TMEM91: variants seen among roughly 807,000 people sequenced by gnomAD.
TMEM91 encodes dispanin subfamily C member 3.
A neutral mutation model predicts 13.3 loss-of-function variants in TMEM91; 6 were observed. That is an observed-to-expected ratio of 0.45 (90% CI 0.25 to 0.89). TMEM91 has a LOEUF of 0.89. Ranked by LOEUF, TMEM91 falls within the 40% of genes least tolerant of loss-of-function variation. TMEM91 has a pLI of 0.19. For missense variants in TMEM91, 193 were observed against 228.7 expected, an observed-to-expected ratio of 0.84 and a Z score of 1.01; for synonymous variants, 87 against 101.7, an observed-to-expected ratio of 0.86 and a Z score of 0.87.
upstream of TMEM91, chr19:41,363,971 A>G (rs189994185): frequency 2.9e-4 from 79 of 274,674 alleles, no homozygotes; most frequent in African/African-American, 1.6e-3. Flanking sequence ...AGCGCACTTA[A>G]CGGTTAGGAG....
At chr19:41,378,915 T>A (rs1227441797) in intron 2 of TMEM91, among the ~76,000 whole-genome samples, 1 of 151,928 alleles carries the variant, frequency 6.6e-6, no homozygotes, top group Non-Finnish European at 1.5e-5. Context: ...TACTGCAACC[T>A]TGACCTCCCG....
Position 41,376,577 on chromosome 19 carries a change from A to G in TMEM91, c.-307A>G, listed in dbSNP as rs1005772165. The G allele has an allele frequency of 3.3e-5, 5 of 152,218 alleles. No individual in the cohort carries two copies. The highest frequency in any genetic ancestry group is 6.5e-5 in the Admixed American group (1 of 15,288). 9.4% of individuals were successfully genotyped at this position (152,218 alleles called of 1,614,324 possible). On this transcript the variant is annotated 5_prime_UTR_variant, in exon 1 of 4. Transcript: ENST00000392002. The stretch of plus-strand genomic sequence containing the variant: ...ACGAGGAAGGGGCTGCAGTTCTCCA[A>G]GGATTCCCGCCTGCTCCCAGACCCC...
intron 1 of TMEM91, among the ~76,000 whole-genome samples, chr19:41,368,788 A>C (rs1358898528): frequency 2.0e-5 from 3 of 150,562 alleles, no homozygotes; most frequent in Admixed American, 1.3e-4. Context: ...CCTTCCCTTC[A>C]GTATGGCTAG....
intron 1 of TMEM91, chr19:41,364,137 C>G (rs1320512542): frequency 6.1e-6 from 1 of 163,288 alleles, no homozygotes; most frequent in Admixed American, 5.7e-5. Flanking sequence ...TCTTGGTTTC[C>G]GTGGTTGTTG....
chr19:41,376,933 T>G (rs1159971541), intron 1 of TMEM91, 79 bp downstream of exon 1: 1 of 152,306 alleles, frequency 6.6e-6, no homozygotes, highest in African/African-American at 2.4e-5. Flanking sequence ...GGCAAAGCTT[T>G]GGCGAGGAAA....
At chr19:41,372,426 C>T (rs1233192790), upstream of TMEM91, among the ~76,000 whole-genome samples, 3 of 152,070 alleles carry the variant, frequency 2.0e-5, no homozygotes, top group Non-Finnish European at 4.4e-5. Flanking sequence ...AGGCAATCCT[C>T]CTGCTTCAGC....
intron 2 of TMEM91, among the ~76,000 whole-genome samples, chr19:41,381,528 TTTTG>T (rs1430753006): frequency 2.0e-5 from 3 of 151,720 alleles, no homozygotes; most frequent in Admixed American, 2.0e-4. Flanking sequence ...ACCCGGCTAA[TTTTG>T]TTTTTGTATT....
intron 2 of TMEM91, among the ~76,000 whole-genome samples, chr19:41,381,014 G>T (rs925828956): frequency 2.2e-5 from 3 of 135,728 alleles, no homozygotes; most frequent in African/African-American, 8.2e-5. Context: ...GAACTTGGGA[G>T]ATGGAGGTTG....
intron 1 of TMEM91, among the ~76,000 whole-genome samples, chr19:41,366,602 A>C (rs550920777): frequency 6.6e-6 from 1 of 151,906 alleles, no homozygotes; most frequent in East Asian, 2.0e-4. Context: ...GCTCTCCACA[A>C]CCTGGCTGGC....
chr19:41,377,581 G>T (rs188967357), intron 1 of TMEM91, among the ~76,000 whole-genome samples: 4 of 152,052 alleles, frequency 2.6e-5, no homozygotes, highest in African/African-American at 7.2e-5. Context: ...GGCCTGGATA[G>T]GTGGTCACGC....
upstream of TMEM91, among the ~76,000 whole-genome samples, chr19:41,372,843 A>G (rs1048892780): frequency 6.6e-6 from 1 of 152,174 alleles, no homozygotes; most frequent in African/African-American, 2.4e-5. Flanking sequence ...CTAAATAAAT[A>G]TCCTGTTCTT....
intron 3 of TMEM91, 147 bp from the exon 4 acceptor site, chr19:41,383,568 A>C (rs761390476): frequency 6.2e-7 from 1 of 1,611,960 alleles, no homozygotes. Flanking sequence ...CAGCATCCCC[A>C]GTGCCTGACC....
Position 41,383,955 on chromosome 19 carries a change from T to G in TMEM91, c.*82T>G. The G allele has an allele frequency of 1.3e-6, 2 of 1,549,388 alleles. No individual in the cohort carries two copies. The highest frequency in any genetic ancestry group is 2.5e-5 in the South Asian group (2 of 80,912). On this transcript the variant is annotated 3_prime_UTR_variant, in exon 4 of 4. Coordinates refer to ENST00000392002, the MANE Select transcript of TMEM91 (RefSeq NM_001098821.2). Reference sequence around the variant, plus strand: ...GCAGAGAGTGGAGAATCTTGGTGGATGAGGCTGCGGCGGCGGCAGGAGCAT... The same window carrying G: ...GCAGAGAGTGGAGAATCTTGGTGGAGGAGGCTGCGGCGGCGGCAGGAGCAT...
chr19:41,372,235 T>C (rs574819895), upstream of TMEM91, among the ~76,000 whole-genome samples: 34 of 152,176 alleles, frequency 2.2e-4, no homozygotes, highest in East Asian at 6.2e-3. Context: ...TAATCCCAGC[T>C]ACTCGGAGGC....
At chr19:41,373,285 G>A (rs1307995774), upstream of TMEM91, among the ~76,000 whole-genome samples, 1 of 152,056 alleles carries the variant, frequency 6.6e-6, no homozygotes, top group Non-Finnish European at 1.5e-5. Flanking sequence ...ACACTAAGAG[G>A]TGTAGCCTCT....
chr19:41,380,251 C>T (rs2038847996), intron 2 of TMEM91, among the ~76,000 whole-genome samples: 1 of 152,100 alleles, frequency 6.6e-6, no homozygotes, highest in Admixed American at 6.6e-5. Flanking sequence ...TTCCTTACAG[C>T]ATAACGGCTT....
chr19:41,383,316 A>C, intron 3 of TMEM91: 1 of 405,498 alleles, frequency 2.5e-6, no homozygotes, highest in Non-Finnish European at 4.1e-6. Context: ...GGCCTCCCAA[A>C]GTGCTGGGAT....
At chr19:41,363,956 A>T (rs573412098), upstream of TMEM91, 12 of 302,302 alleles carry the variant, frequency 4.0e-5, no homozygotes, top group African/African-American at 2.6e-4. Context: ...CGTCATTCCT[A>T]CCTTAGCGCA....
At chr19:41,371,362 CTTCCTTCT>C (rs1383869827) in intron 1 of TMEM91, among the ~76,000 whole-genome samples, 157 of 141,332 alleles carry the variant, frequency 1.1e-3, no homozygotes, top group Non-Finnish European at 1.6e-3. Context: ...TCCTTCCTTC[CTTCCTTCT>C]TTCCTTCCTT....
Sources: gnomAD v4.1 joint callset for allele counts (sites outside exome capture counted in the v4.1 genomes callset) on GRCh38, gnomAD v4.1.1 for gene constraint, MANE v1.5 for transcripts, NCBI Gene and HGNC (gene_info 2026-07-23, HGNC 2026-07-21) for gene names.